The following DOCK5 variants were observed in gnomAD, a reference collection of about 807,000 sequenced individuals.
DOCK5 encodes the protein dedicator of cytokinesis protein 5.
Under a neutral mutation model 251.8 loss-of-function variants are expected in DOCK5, and 142 were observed. The ratio of observed to expected loss-of-function variants is 0.56; its 90% confidence interval spans 0.49 to 0.65. The LOEUF (loss-of-function observed/expected upper bound fraction) is 0.65. DOCK5 is among the 30% of genes least tolerant of loss of function. DOCK5 has a pLI of 0.00. For synonymous variants in DOCK5, 842 were observed against 835.5 expected (o/e 1.01, Z -0.13); for missense variants, 2,111 against 2,312.3 (o/e 0.91, Z 1.79).
At chr8:25,318,836 T>A (rs1805341467) in intron 14 of DOCK5, among the ~76,000 whole-genome samples, 1 of 152,030 alleles carries the variant, frequency 6.6e-6, no homozygotes, top group Non-Finnish European at 1.5e-5. Context: ...GTTGCATAGT[T>A]GTTTGAGGCT....
Position 25,304,327 on chromosome 8 carries a change from A to C in DOCK5, c.1049A>C (p.Gln350Pro). 9 of 1,606,876 alleles carry C rather than the reference A, an allele frequency of 5.6e-6. No individual in the cohort carries two copies. Among genetic ancestry groups the C allele is most frequent in the Non-Finnish European group, 7.6e-6 (9 of 1,176,718 alleles). Residue 350 changes from glutamine (Q) to proline (P), a missense_variant and splice_region_variant, in exon 11 of 52, where the codon CAA becomes CCA. Coordinates refer to ENST00000276440, the MANE Select transcript of DOCK5 (RefSeq NM_024940.8). ...AAGCAGCATTTTATTCCCTTTCAGC[A>C]GTAAGTACTTTGGCATGTGTCCCAG... The part of the protein sequence containing the change: ...EEKQHFIPFQ[Q>P]IAMETYIRQR...
In DOCK5 at chr8:25,236,972, C is replaced by G. The variant is rs565901230; in HGVS notation, c.44-6702C>G. 1.6e-4 allele frequency among the ~76,000 whole-genome samples: 24 copies of G among 152,210 alleles called. No homozygotes were observed. In the South Asian group the frequency reaches 4.8e-3, roughly 30 times the overall value. ...CTCATTCTGTGTTTGCTGGATCTTT[C>G]TTTTGTAGATTCTATCAGGTGACTA... On this transcript the variant is annotated intron_variant, in intron 1 of 51. Transcript: ENST00000276440.
chr8:25,398,151 A>C (rs1297969459), intron 45 of DOCK5, among the ~76,000 whole-genome samples: 2 of 152,210 alleles, frequency 1.3e-5, no homozygotes, highest in Non-Finnish European at 2.9e-5. Context: ...AATGAATTTC[A>C]GGGCTCTCTG....
intron 18 of DOCK5, among the ~76,000 whole-genome samples, chr8:25,327,179 A>C (rs1383720655): frequency 1.3e-5 from 2 of 152,250 alleles, no homozygotes; most frequent in Non-Finnish European, 2.9e-5. Flanking sequence ...TATATAGTGA[A>C]CACTATAATG....
At chr8:25,298,744 T>C (rs1220255363) in intron 7 of DOCK5, among the ~76,000 whole-genome samples, 200 bp from the exon 8 acceptor site, 1 of 152,122 alleles carries the variant, frequency 6.6e-6, no homozygotes, top group Admixed American at 6.6e-5. Flanking sequence ...AAAAATTTTT[T>C]TGTAGAGACA....
intron 7 of DOCK5, among the ~76,000 whole-genome samples, chr8:25,298,601 T>C (rs910258381): frequency 6.6e-6 from 1 of 152,232 alleles, no homozygotes; most frequent in Non-Finnish European, 1.5e-5. Flanking sequence ...TATTTATTGA[T>C]TAATCAACTG....
At chr8:25,219,703 C>T (rs1010564470) in intron 1 of DOCK5, among the ~76,000 whole-genome samples, 3 of 144,376 alleles carry the variant, frequency 2.1e-5, no homozygotes, top group Admixed American at 7.3e-5. Flanking sequence ...CTCTGGGGTC[C>T]GTGTTTTTTT....
chr8:25,320,386 T>G (rs1805391572), intron 15 of DOCK5, among the ~76,000 whole-genome samples: 1 of 152,214 alleles, frequency 6.6e-6, no homozygotes, highest in Admixed American at 6.5e-5. Context: ...TGATACAAAT[T>G]TATATTGTGC....
intron 6 of DOCK5, among the ~76,000 whole-genome samples, chr8:25,294,641 C>T (rs531442781): frequency 4.6e-5 from 7 of 152,266 alleles, no homozygotes; most frequent in African/African-American, 1.4e-4. Flanking sequence ...GTGTTTGCTT[C>T]TACTAGTTGC....
intron 1 of DOCK5, among the ~76,000 whole-genome samples, chr8:25,235,084 A>G (rs893056226): frequency 1.3e-5 from 2 of 152,218 alleles, no homozygotes; most frequent in African/African-American, 2.4e-5. Context: ...GGTGTTAGTC[A>G]TCATTCTGGC....
chr8:25,399,035 A>G (rs1586395502), intron 45 of DOCK5, among the ~76,000 whole-genome samples: 1 of 152,296 alleles, frequency 6.6e-6, no homozygotes, highest in East Asian at 1.9e-4. Context: ...TCAAGGCATT[A>G]AAGCAGAAGA....
At chr8:25,243,607 G>A in intron 1 of DOCK5, 67 bp from the exon 2 acceptor site, 3 of 1,469,818 alleles carry the variant, frequency 2.0e-6, no homozygotes, top group Non-Finnish European at 2.8e-6. Flanking sequence ...GAGATTATAG[G>A]CGTGAGCCAC....
chr8:25,363,668 G>T (rs1487215489), intron 29 of DOCK5, among the ~76,000 whole-genome samples: 1 of 152,170 alleles, frequency 6.6e-6, no homozygotes, highest in Non-Finnish European at 1.5e-5. Flanking sequence ...AAATTATAGG[G>T]CTTTTGATAC....
chr8:25,333,122 C>T lies in DOCK5; in HGVS notation c.2091+430C>T, dbSNP rs117494036. On this transcript the variant is annotated intron_variant, in intron 20 of 51. Transcript: ENST00000276440. ...CAACCCAGCAGAAAATTGAATTTGT[C>T]GCACAAAGCACTTAAACCTACAACC... Among the ~76,000 whole-genome samples, 503 of 152,282 alleles carry T rather than the reference C, an allele frequency of 3.3e-3. 3 individuals are homozygous for T. Among genetic ancestry groups the T allele is most frequent in the Middle Eastern group, 6.8e-3 (2 of 294 alleles).
chr8:25,231,702 G>T (rs1802672968), intron 1 of DOCK5, among the ~76,000 whole-genome samples: 3 of 152,050 alleles, frequency 2.0e-5, no homozygotes, highest in South Asian at 2.1e-4. Context: ...TATTGCATTA[G>T]CTAGACCCAC....
At chr8:25,316,102 T>G (rs994175180) in intron 13 of DOCK5, among the ~76,000 whole-genome samples, 1 of 152,248 alleles carries the variant, frequency 6.6e-6, no homozygotes, top group Non-Finnish European at 1.5e-5. Context: ...ATTAAAATTT[T>G]TTTTGCTGGG....
At chr8:25,283,130 T>C (rs1477650201) in intron 5 of DOCK5, among the ~76,000 whole-genome samples, 1 of 152,142 alleles carries the variant, frequency 6.6e-6, no homozygotes, top group Non-Finnish European at 1.5e-5. Flanking sequence ...ATCATAAATA[T>C]GTCTTAAAGG....
chr8:25,196,546 C>A (rs1359490271), intron 1 of DOCK5, among the ~76,000 whole-genome samples: 1 of 152,174 alleles, frequency 6.6e-6, no homozygotes, highest in Non-Finnish European at 1.5e-5. Context: ...CATGGTTACT[C>A]AAACATTAGT....
intron 22 of DOCK5, among the ~76,000 whole-genome samples, chr8:25,340,539 A>G (rs1805926606): frequency 6.6e-6 from 1 of 152,246 alleles, no homozygotes; most frequent in African/African-American, 2.4e-5. Flanking sequence ...TTTTGGAGAC[A>G]AGTAGAGTAC....
Sources: allele counts gnomAD v4.1 joint callset (sites outside exome capture counted in the v4.1 genomes callset), GRCh38; gene constraint gnomAD v4.1.1; transcripts MANE v1.5; gene names NCBI Gene and HGNC (gene_info 2026-07-23, HGNC 2026-07-21).